The following MRTFB variants were observed in gnomAD, a reference collection of about 807,000 sequenced individuals.
The protein encoded by MRTFB is myocardin-related transcription factor B.
Under a neutral mutation model 104.2 loss-of-function variants are expected in MRTFB, and 29 were observed. The observed-to-expected ratio is 0.28, with a 90% confidence interval of 0.21 to 0.38. The LOEUF (loss-of-function observed/expected upper bound fraction) is 0.38. Ranked by LOEUF, MRTFB falls within the 10% of genes least tolerant of loss-of-function variation. The pLI is 1.00. For synonymous variants in MRTFB, 535 were observed against 519.5 expected, an observed-to-expected ratio of 1.03 and a Z score of -0.41; for missense variants, 1,270 against 1,341.6, an observed-to-expected ratio of 0.95 and a Z score of 0.83.
chr16:14,218,430 A>T (rs889590022), intron 7 of MRTFB, among the ~76,000 whole-genome samples: 1 of 151,780 alleles, frequency 6.6e-6, no homozygotes, highest in African/African-American at 2.4e-5. Flanking sequence ...CCTCTGCCTG[A>T]TATTTCTGTT....
chr16:14,259,958 G>C (rs1364941386), intron 16 of MRTFB, among the ~76,000 whole-genome samples: 1 of 152,174 alleles, frequency 6.6e-6, no homozygotes, highest in East Asian at 1.9e-4. Context: ...CAATCATTGA[G>C]CTTTAAGAGG....
intron 9 of MRTFB, among the ~76,000 whole-genome samples, chr16:14,237,028 G>C (rs1438678379): frequency 1.3e-5 from 2 of 152,192 alleles, no homozygotes; most frequent in Admixed American, 6.5e-5. Flanking sequence ...ACTTGCAGTT[G>C]CCACGTCCTG....
At chr16:14,259,292 A>G (rs945513886) in intron 16 of MRTFB, among the ~76,000 whole-genome samples, 7 of 151,546 alleles carry the variant, frequency 4.6e-5, no homozygotes, top group African/African-American at 1.5e-4. Flanking sequence ...AAAAATTAGC[A>G]AAAATTAGCC....
intron 8 of MRTFB, among the ~76,000 whole-genome samples, chr16:14,219,286 A>C (rs1463870020): frequency 6.6e-6 from 1 of 152,188 alleles, no homozygotes; most frequent in African/African-American, 2.4e-5. Flanking sequence ...TTGAGCACCT[A>C]TTATGTTTCA....
chr16:14,242,743 T>C (rs1458525090), intron 10 of MRTFB, among the ~76,000 whole-genome samples: 1 of 152,178 alleles, frequency 6.6e-6, no homozygotes, highest in African/African-American at 2.4e-5. Context: ...GCAACCTCTC[T>C]CTTTTTTCTC....
At chr16:14,215,691 GT>G (rs921579185) in intron 6 of MRTFB, among the ~76,000 whole-genome samples, 1 of 152,190 alleles carries the variant, frequency 6.6e-6, no homozygotes, top group African/African-American at 2.4e-5. Flanking sequence ...GGTTAGAAGT[GT>G]TATCTCAGAA....
At chr16:14,000,733 A>T in the MRTFB span, among the ~76,000 whole-genome samples, 3,902 of 152,188 alleles carry the variant, frequency 0.026, 164 homozygotes, top group African/African-American at 0.088. Context: ...CCTGACAACC[A>T]CACCTCTCTG....
chr16:14,071,347 GGCGGCGGCGGCCGGGGAGGTGA>G lies in MRTFB; in HGVS notation c.-139_-129+11del. 1 of 167,196 alleles carries G rather than the reference GGCGGCGGCGGCCGGGGAGGTGA, an allele frequency of 6.0e-6. No individual in the cohort carries two copies. Among genetic ancestry groups the G allele is most frequent in the East Asian group, 1.8e-4 (1 of 5,654 alleles). The allele number at this position is 167,196 out of a possible 1,614,324, so 10.4% of individuals were successfully genotyped here. ...ATCGCGCGGCGGCGGCGGGAGCGGC[GGCGGCGGCGGCCGGGGAGGTGA>G]GCGGCGGGCGGTGGCGGCCGTTGGG... On this transcript the variant is annotated splice_donor_variant and splice_donor_region_variant and 5_prime_UTR_variant and intron_variant, in exon 1 of 17. Coordinates refer to ENST00000571589, the MANE Select transcript of MRTFB (RefSeq NM_001308142.2). LOFTEE classifies it low-confidence loss of function (5UTR_SPLICE).
intron 3 of MRTFB, among the ~76,000 whole-genome samples, chr16:14,158,881 C>T (rs915908633): frequency 6.6e-6 from 1 of 151,664 alleles, no homozygotes; most frequent in Non-Finnish European, 1.5e-5. Flanking sequence ...CCTGTAATCG[C>T]AGCCACTTGG....
intron 3 of MRTFB, among the ~76,000 whole-genome samples, chr16:14,176,904 G>A (rs1368298041): frequency 6.6e-6 from 1 of 152,214 alleles, no homozygotes; most frequent in Non-Finnish European, 1.5e-5. Flanking sequence ...TATCATGAGT[G>A]TTCAGAGTGT....
intron 3 of MRTFB, among the ~76,000 whole-genome samples, chr16:14,203,675 C>G (rs2040814141): frequency 6.6e-6 from 1 of 151,732 alleles, no homozygotes; most frequent in African/African-American, 2.4e-5. Context: ...TGGTGGTACA[C>G]AACTTGTAAT....
At chr16:14,132,745 T>G (rs1331051631) in intron 2 of MRTFB, among the ~76,000 whole-genome samples, 4 of 152,208 alleles carry the variant, frequency 2.6e-5, no homozygotes, top group African/African-American at 9.6e-5. Flanking sequence ...GAAGCTTTCT[T>G]AGCCATCCGC....
chr16:14,085,521 A>T (rs1057220718), intron 2 of MRTFB, among the ~76,000 whole-genome samples: 1 of 151,684 alleles, frequency 6.6e-6, no homozygotes, highest in Non-Finnish European at 1.5e-5. Flanking sequence ...TGCCTTTAAT[A>T]CTTTAATATT....
intron 2 of MRTFB, among the ~76,000 whole-genome samples, chr16:14,129,816 T>A (rs1231825997): frequency 6.6e-6 from 1 of 152,116 alleles, no homozygotes; most frequent in African/African-American, 2.4e-5. Flanking sequence ...GCATATGTCT[T>A]CTTTAGTGAA....
At position 14,240,502 on chromosome 16, in the gene MRTFB, C is replaced by G. The variant is rs773822457; in HGVS notation, c.1079+18C>G. 1 of 1,614,200 alleles carries G rather than the reference C, an allele frequency of 6.2e-7. No homozygotes were observed. Among genetic ancestry groups the G allele is most frequent in the East Asian group, 2.2e-5 (1 of 44,888 alleles). ...CCATTCAAGTACGGCGGGGCCCATG[C>G]TATCCTCAACGCGGGGTTTTCTGTG... is the stretch of plus-strand genomic sequence containing the variant. On this transcript the variant is annotated intron_variant, in intron 10 of 16. Coordinates refer to ENST00000571589, the MANE Select transcript of MRTFB (RefSeq NM_001308142.2).
intron 16 of MRTFB, among the ~76,000 whole-genome samples, chr16:14,260,473 T>A (rs1336900585): frequency 6.6e-6 from 1 of 152,202 alleles, no homozygotes; most frequent in Non-Finnish European, 1.5e-5. Flanking sequence ...GAGTATCATG[T>A]TGCTATAGAT....
intron 10 of MRTFB, chr16:14,241,313 T>A (rs1378728052): frequency 6.6e-6 from 1 of 152,622 alleles, no homozygotes; most frequent in East Asian, 1.9e-4. Context: ...TTTTCAAAGT[T>A]TGAACCCAAC....
At chr16:14,050,177 A>C in the MRTFB span, among the ~76,000 whole-genome samples, 2 of 152,228 alleles carry the variant, frequency 1.3e-5, no homozygotes, top group African/African-American at 4.8e-5. Context: ...ACACACACAC[A>C]CACACACAGA....
At position 14,248,991 on chromosome 16, in the gene MRTFB, T is replaced by C; in HGVS notation, c.2313T>C (p.Ala771=). The C allele has an allele frequency of 6.2e-7, 1 of 1,614,234 alleles. No individual in the cohort carries two copies. The highest frequency in any genetic ancestry group is 8.5e-7 in the Non-Finnish European group (1 of 1,180,036). ...CAACTGCTGCACAAATACCAACTGCTGCCTTGGCCTCAGGCTTGGCCCCAA... is the reference window on the plus strand; with the variant it reads ...CAACTGCTGCACAAATACCAACTGCCGCCTTGGCCTCAGGCTTGGCCCCAA... ...QIATAAQIPT[A]ALASGLAPTV... is the part of the protein sequence containing the mutation. Residue 771 remains alanine, a synonymous_variant, in exon 13 of 17, where the codon GCT becomes GCC. Coordinates refer to ENST00000571589, the MANE Select transcript of MRTFB (RefSeq NM_001308142.2).
Sources: gnomAD v4.1 joint callset for allele counts (sites outside exome capture counted in the v4.1 genomes callset) on GRCh38, gnomAD v4.1.1 for gene constraint, MANE v1.5 for transcripts, NCBI Gene and HGNC (gene_info 2026-07-23, HGNC 2026-07-21) for gene names.